Variants in GPLD1 observed in about 807,000 individuals in gnomAD.
GPLD1 encodes glycosylphosphatidylinositol specific phospholipase D1, also known as phosphatidylinositol-glycan-specific phospholipase D.
Under a neutral mutation model 112.6 loss-of-function variants are expected in GPLD1, and 84 were observed. That is an observed-to-expected ratio of 0.75 (90% CI 0.63 to 0.89). The LOEUF (loss-of-function observed/expected upper bound fraction) is 0.89. Among genes scored for constraint, GPLD1 ranks in the 40% least tolerant of loss-of-function variants. The probability of loss-of-function intolerance (pLI) is 0.00; values close to 1 mark genes in which losing one functional copy is unlikely to be tolerated. For synonymous variants in GPLD1, 386 were observed against 403.8 expected (o/e 0.96, Z 0.53); for missense variants, 1,044 against 1,051.5 (o/e 0.99, Z 0.10).
chr6:24,469,774 ATAAT>A (rs1763736973), intron 7 of GPLD1, among the ~76,000 whole-genome samples: 2 of 131,454 alleles, frequency 1.5e-5, no homozygotes, highest in Non-Finnish European at 1.8e-5. Flanking sequence ...AACTTAAAGT[ATAAT>A]AAAAAAAAAA....
intron 18 of GPLD1, 112 bp downstream of exon 18, chr6:24,446,725 CA>C (rs1157662277): frequency 2.8e-5 from 29 of 1,051,036 alleles, no homozygotes; most frequent in Non-Finnish European, 1.3e-6. Flanking sequence ...GCTTTTCCTT[CA>C]AAAGTCAAGC....
chr6:24,462,628 C>A lies in GPLD1; in HGVS notation c.887+102G>T, dbSNP rs537129064. The A allele has an allele frequency of 9.5e-6, 7 of 734,782 alleles. No individual in the cohort carries two copies. In the Admixed American group the frequency reaches 1.5e-4, roughly 16 times the overall value. The allele number at this position is 734,782 out of a possible 1,614,324, so 45.5% of individuals were successfully genotyped here. On this transcript the variant is annotated intron_variant, in intron 11 of 24. Transcript: ENST00000230036. ...GCAAGTGACAAATCTGGAATTTGAA[C>A]CTACAGCTGTCTCTCAACAGATCCC...
intron 20 of GPLD1, among the ~76,000 whole-genome samples, chr6:24,442,781 G>A (rs1468763898): frequency 6.6e-6 from 1 of 151,458 alleles, no homozygotes; most frequent in South Asian, 2.1e-4. Context: ...GGGTCTCACT[G>A]TGTTGCCCAG....
downstream of GPLD1, chr6:24,424,003 G>T (rs79664242): frequency 0.12 from 20,774 of 168,726 alleles, 1,646 homozygotes; most frequent in Non-Finnish European, 0.15. Context: ...TACATATCAA[G>T]AAAAGTGCAA....
chr6:24,430,561 C>A (rs1209209513), intron 24 of GPLD1, among the ~76,000 whole-genome samples: 2 of 151,794 alleles, frequency 1.3e-5, no homozygotes, highest in Non-Finnish European at 2.9e-5. Flanking sequence ...GGAAGGCAGC[C>A]CCATGAGAAG....
chr6:24,480,020 C>A, intron 2 of GPLD1, 61 bp from the exon 3 acceptor site: 2 of 994,818 alleles, frequency 2.0e-6, no homozygotes, highest in Non-Finnish European at 3.2e-6. Flanking sequence ...GGAGTATAGG[C>A]CCCACCAATT....
At chr6:24,474,631 T>C (rs890441528) in intron 5 of GPLD1, among the ~76,000 whole-genome samples, 2 of 152,138 alleles carry the variant, frequency 1.3e-5, no homozygotes, top group African/African-American at 4.8e-5. Context: ...ATCTACCCAG[T>C]TGGCAAGAAG....
At chr6:24,494,733 A>C in intron 1 of GPLD1, 1 of 342,226 alleles carries the variant, frequency 2.9e-6, no homozygotes. Context: ...TCCATCCCCG[A>C]ACCCAACCCT....
chr6:24,453,580 G>A (rs979938169), intron 14 of GPLD1, among the ~76,000 whole-genome samples: 1 of 152,176 alleles, frequency 6.6e-6, no homozygotes, highest in Non-Finnish European at 1.5e-5. Flanking sequence ...AGGTTGCAGT[G>A]AGCAGAGATT....
intron 6 of GPLD1, chr6:24,473,347 C>T (rs891500358): frequency 1.1e-5 from 3 of 262,492 alleles, no homozygotes; most frequent in African/African-American, 4.4e-5. Flanking sequence ...GAATTTTAAC[C>T]CAATGTATAA....
At chr6:24,433,035 A>C (rs1762456568) in intron 24 of GPLD1, 152 bp downstream of exon 24, 1 of 711,282 alleles carries the variant, frequency 1.4e-6, no homozygotes, top group Non-Finnish European at 2.6e-6. Flanking sequence ...TCCACCAAGG[A>C]AGTGATGAGA....
intron 10 of GPLD1, among the ~76,000 whole-genome samples, chr6:24,465,276 A>G (rs542097788): frequency 2.0e-5 from 3 of 151,920 alleles, no homozygotes; most frequent in East Asian, 1.9e-4. Flanking sequence ...ATGGTGGCTC[A>G]TGCCTGTAAT....
At chr6:24,438,023 A>G (rs1236519027) in intron 20 of GPLD1, among the ~76,000 whole-genome samples, 1 of 152,176 alleles carries the variant, frequency 6.6e-6, no homozygotes, top group African/African-American at 2.4e-5. Flanking sequence ...GGGCCCACAA[A>G]ACATGGGCAA....
In GPLD1 at chr6:24,456,507, C is replaced by A. The variant is rs773429845; in HGVS notation, c.1139G>T (p.Arg380Met). ...ASYFLSFPYA[R>M]LGWAMTSADL... ...ATAAACTTATACGTACCAGCCAAGC[C>A]TCGCATAAGGAAATGACAAGAAGTA... Residue 380 changes from arginine to methionine, a missense_variant, in exon 13 of 25, where the codon AGG becomes ATG. Coordinates refer to ENST00000230036, the MANE Select transcript of GPLD1 (RefSeq NM_001503.4). 6.2e-7 allele frequency: 1 copy of A among 1,605,030 alleles called. No individual in the cohort carries two copies.
At chr6:24,492,505 C>CAAA (rs57089818), upstream of GPLD1, among the ~76,000 whole-genome samples, 1 of 81,506 alleles carries the variant, frequency 1.2e-5, no homozygotes, top group East Asian at 3.2e-4. Context: ...GACCCTGACT[C>CAAA]AAAAAAAAAA....
chr6:24,479,931 T>G lies in GPLD1; in HGVS notation c.182A>C (p.Gln61Pro), dbSNP rs1313411135. 1 of 1,610,366 alleles carries G rather than the reference T, an allele frequency of 6.2e-7. No individual in the cohort carries two copies. Among genetic ancestry groups the G allele is most frequent in the East Asian group, 2.2e-5 (1 of 44,870 alleles). Residue 61 changes from glutamine (Q) to proline (P), a missense_variant, in exon 3 of 25, where the codon CAG becomes CCG. Physicochemically the swap from Gln to Pro is moderately conservative, Grantham distance 76. Coordinates refer to ENST00000230036, the MANE Select transcript of GPLD1 (RefSeq NM_001503.4). ...ELLLEHQDAY[Q>P]AGIVFPDCFY... ...ACAATCAGGAAACACGATTCCAGCC[T>G]GATACGCATCCTGGTGTTCTAGTAA...
rs892837809 is a variant in GPLD1 at position 24,428,958 on chromosome 6, T to C, written c.*74A>G. The C allele has an allele frequency of 2.0e-6, 2 of 1,006,394 alleles. No individual in the cohort carries two copies. The highest frequency in any genetic ancestry group is 2.0e-5 in the Admixed American group (1 of 50,172). The allele number at this position is 1,006,394 out of a possible 1,614,324, so 62.3% of individuals were successfully genotyped here. A position where few individuals can be genotyped will look rare whatever the true frequency, so the allele number is the denominator to read the frequency against. Reference sequence around the variant, plus strand: ...CCGCTCCACTGGATGTGCCACTTTGTCCATCAAAATGCTCACCATGGATGT... The same window carrying C: ...CCGCTCCACTGGATGTGCCACTTTGCCCATCAAAATGCTCACCATGGATGT... On this transcript the variant is annotated 3_prime_UTR_variant, in exon 25 of 25. Coordinates refer to ENST00000230036, the MANE Select transcript of GPLD1 (RefSeq NM_001503.4).
At chr6:24,482,802 T>A (rs993133269) in intron 2 of GPLD1, among the ~76,000 whole-genome samples, 1 of 151,920 alleles carries the variant, frequency 6.6e-6, no homozygotes, top group African/African-American at 2.4e-5. Flanking sequence ...CTACAAAAAA[T>A]TTAAAAATTA....
upstream of GPLD1, among the ~76,000 whole-genome samples, chr6:24,493,534 A>G (rs1362511542): frequency 6.6e-6 from 1 of 151,960 alleles, no homozygotes; most frequent in Non-Finnish European, 1.5e-5. Context: ...ACAAAACAAA[A>G]ACAAAAACTC....
Sources: allele counts gnomAD v4.1 joint callset (sites outside exome capture counted in the v4.1 genomes callset), GRCh38; gene constraint gnomAD v4.1.1; transcripts MANE v1.5; gene names NCBI Gene and HGNC (gene_info 2026-07-23, HGNC 2026-07-21).